Variants in PRELID2 observed in about 807,000 individuals in gnomAD.
PRELID2 encodes PRELI domain-containing protein 2.
PRELID2 carries 25 observed loss-of-function variants against 28.4 expected under a neutral mutation model. That is an observed-to-expected ratio of 0.88 (90% CI 0.64 to 1.23). The LOEUF is 1.23. Ranked by LOEUF, PRELID2 falls within the 50% of genes most tolerant of loss-of-function variation. The pLI, the probability that PRELID2 is intolerant of heterozygous loss-of-function variation, is 0.00. For missense variants in PRELID2, 201 were observed against 214.4 expected (o/e 0.94, Z 0.39); for synonymous variants, 76 against 71.6 (o/e 1.06, Z -0.31).
chr5:145,485,176 A>G (rs1402207088), intron 1 of PRELID2, among the ~76,000 whole-genome samples: 1 of 152,252 alleles, frequency 6.6e-6, no homozygotes, highest in East Asian at 1.9e-4. Context: ...GTCTTTTTAA[A>G]ATGAATTCAA....
At chr5:145,616,830 T>C (rs1413211337) in intron 1 of PRELID2, among the ~76,000 whole-genome samples, 1 of 152,100 alleles carries the variant, frequency 6.6e-6, no homozygotes, top group Non-Finnish European at 1.5e-5. Context: ...CTGACCAAAA[T>C]TTATTAGGTG....
chr5:145,380,407 G>T, the PRELID2 span, among the ~76,000 whole-genome samples: 1 of 152,070 alleles, frequency 6.6e-6, no homozygotes, highest in Non-Finnish European at 1.5e-5. Flanking sequence ...ACCTTGATGG[G>T]AGCTGTTTCA....
chr5:145,356,134 T>C, the PRELID2 span, among the ~76,000 whole-genome samples: 15 of 152,150 alleles, frequency 9.9e-5, no homozygotes, highest in African/African-American at 3.4e-4. Context: ...AACACTGGCC[T>C]CATTCGAACA....
rs191927986 is a variant in PRELID2 at position 145,644,045 on chromosome 5, A to G, written n.70+120886T>C. On this transcript the variant is annotated intron_variant and non_coding_transcript_variant, in intron 1 of 2. Transcript: ENST00000510259. ...GGCCTCATAAAGTGAGTTAGGGAGG[A>G]GTCTCTCTTTTTCTTTTGTTTGGAA... Among the ~76,000 whole-genome samples the G allele has an allele frequency of 2.7e-3, 417 of 152,042 alleles. 2 individuals carry two copies. Among genetic ancestry groups the G allele is most frequent in the African/African-American group, 9.7e-3 (402 of 41,446 alleles).
At chr5:145,675,811 CAAGG>C (rs1481866146) in intron 1 of PRELID2, among the ~76,000 whole-genome samples, 1 of 152,142 alleles carries the variant, frequency 6.6e-6, no homozygotes, top group Non-Finnish European at 1.5e-5. Flanking sequence ...TATGAACCAG[CAAGG>C]TACATCCACA....
intron 1 of PRELID2, among the ~76,000 whole-genome samples, chr5:145,567,381 G>GTTTGGTTTGA (rs1554076606): frequency 1.6e-4 from 25 of 151,958 alleles, no homozygotes; most frequent in African/African-American, 6.0e-4. Flanking sequence ...GTTTGGTTTG[G>GTTTGGTTTGA]TTTGGTTTGG....
At chr5:145,769,833 GC>G (rs1262598181) in intron 5 of PRELID2, among the ~76,000 whole-genome samples, 1 of 152,198 alleles carries the variant, frequency 6.6e-6, no homozygotes, top group Admixed American at 6.5e-5. Context: ...TGGACCATTG[GC>G]CTCTTCAGAG....
intron 1 of PRELID2, among the ~76,000 whole-genome samples, chr5:145,481,149 T>A (rs572334770): frequency 6.6e-6 from 1 of 152,208 alleles, no homozygotes; most frequent in Non-Finnish European, 1.5e-5. Flanking sequence ...AGAGCTTCTA[T>A]AATCGTGCCA....
the PRELID2 span, among the ~76,000 whole-genome samples, chr5:145,460,154 A>C: frequency 1.3e-5 from 2 of 152,172 alleles, no homozygotes. Flanking sequence ...ATCACAATTC[A>C]TGTCATTAAC....
chr5:145,292,314 A>G, the PRELID2 span, among the ~76,000 whole-genome samples: 2 of 151,926 alleles, frequency 1.3e-5, no homozygotes, highest in South Asian at 4.2e-4. Context: ...AAGACAAGAG[A>G]GGGAATTATT....
intron 5 of PRELID2, among the ~76,000 whole-genome samples, chr5:145,791,379 G>T (rs1443421987): frequency 6.6e-6 from 1 of 152,052 alleles, no homozygotes; most frequent in East Asian, 1.9e-4. Context: ...TACAAACAAG[G>T]AAATATTAGC....
chr5:145,275,628 G>T, the PRELID2 span, among the ~76,000 whole-genome samples: 2 of 152,168 alleles, frequency 1.3e-5, no homozygotes, highest in Non-Finnish European at 1.5e-5. Context: ...ACCATTTGGA[G>T]AAAACTGAAG....
chr5:145,278,375 A>G, the PRELID2 span, among the ~76,000 whole-genome samples: 1 of 152,194 alleles, frequency 6.6e-6, no homozygotes, highest in African/African-American at 2.4e-5. Flanking sequence ...GTTAGCCAGG[A>G]CTAAAGTCTT....
chr5:145,403,020 A>C, the PRELID2 span, among the ~76,000 whole-genome samples: 2 of 152,046 alleles, frequency 1.3e-5, no homozygotes, highest in African/African-American at 4.8e-5. Context: ...TAGGATTTGG[A>C]CCCACTTCCT....
chr5:145,392,226 C>T, the PRELID2 span, among the ~76,000 whole-genome samples: 3 of 152,162 alleles, frequency 2.0e-5, no homozygotes, highest in African/African-American at 7.2e-5. Context: ...AATTGATTCA[C>T]AGTTCAGCAT....
At chr5:145,801,019 A>C (rs1318548782) in intron 4 of PRELID2, among the ~76,000 whole-genome samples, 2 of 152,094 alleles carry the variant, frequency 1.3e-5, no homozygotes, top group Non-Finnish European at 2.9e-5. Flanking sequence ...GGACAGATGG[A>C]CAGATGAGTA....
the PRELID2 span, among the ~76,000 whole-genome samples, chr5:145,405,446 T>G: frequency 6.6e-6 from 1 of 152,170 alleles, no homozygotes; most frequent in African/African-American, 2.4e-5. Flanking sequence ...TTCTGCAGGC[T>G]TTATTAGTTC....
chr5:145,502,039 A>T (rs1752363840), intron 1 of PRELID2, among the ~76,000 whole-genome samples: 2 of 152,156 alleles, frequency 1.3e-5, no homozygotes, highest in African/African-American at 2.4e-5. Context: ...GATGTTTATT[A>T]GTTCATTCTC....
intron 1 of PRELID2, among the ~76,000 whole-genome samples, chr5:145,582,188 T>G (rs1365163581): frequency 6.6e-6 from 1 of 152,048 alleles, no homozygotes; most frequent in African/African-American, 2.4e-5. Context: ...CTTGTCTGTA[T>G]TAGTCCGTTT....
Sources: gnomAD v4.1 joint callset for allele counts (sites outside exome capture counted in the v4.1 genomes callset) on GRCh38, gnomAD v4.1.1 for gene constraint, MANE v1.5 for transcripts, NCBI Gene and HGNC (gene_info 2026-07-23, HGNC 2026-07-21) for gene names.